CCBE1: variants seen among roughly 807,000 people sequenced by gnomAD.
The protein encoded by CCBE1 is collagen and calcium-binding EGF domain-containing protein 1.
A neutral mutation model predicts 50.0 loss-of-function variants in CCBE1; 37 were observed. The observed-to-expected ratio is 0.74, with a 90% CI of 0.57 to 0.97. CCBE1 has a LOEUF of 0.97. Among genes scored for constraint, CCBE1 ranks in the 50% least tolerant of loss-of-function variants. The pLI, the probability that CCBE1 is intolerant of heterozygous loss-of-function variation, is 0.00. For synonymous variants in CCBE1, 234 were observed against 203.7 expected (o/e 1.15, Z -1.27); for missense variants, 538 against 523.8 (o/e 1.03, Z -0.26).
chr18:59,533,155 GAAACA>G (rs1421782271), intron 2 of CCBE1, among the ~76,000 whole-genome samples: 1 of 151,906 alleles, frequency 6.6e-6, no homozygotes. Context: ...AAAATCTTTA[GAAACA>G]AAACAAAGTA....
intron 2 of CCBE1, among the ~76,000 whole-genome samples, chr18:59,691,100 A>C (rs766929684): frequency 5.3e-5 from 8 of 152,278 alleles, no homozygotes; most frequent in Admixed American, 1.3e-4. Flanking sequence ...GGATAGCAAG[A>C]GAAGTTCCTG....
At chr18:59,521,663 T>A (rs1914605365) in intron 2 of CCBE1, among the ~76,000 whole-genome samples, 1 of 152,216 alleles carries the variant, frequency 6.6e-6, no homozygotes, top group African/African-American at 2.4e-5. Context: ...TACAAAGGAA[T>A]CAGATATCGC....
intron 2 of CCBE1, among the ~76,000 whole-genome samples, chr18:59,482,251 G>A (rs1912607091): frequency 6.6e-6 from 1 of 152,200 alleles, no homozygotes; most frequent in Admixed American, 6.5e-5. Flanking sequence ...GTATTCCATG[G>A]TGTATGCCAG....
chr18:59,442,564 C>T (rs1209919086), intron 7 of CCBE1, among the ~76,000 whole-genome samples: 1 of 151,918 alleles, frequency 6.6e-6, no homozygotes, highest in Non-Finnish European at 1.5e-5. Context: ...CCCATCTCTA[C>T]TAAAAATACA....
At chr18:59,661,214 G>C (rs1465638654) in intron 2 of CCBE1, among the ~76,000 whole-genome samples, 1 of 145,558 alleles carries the variant, frequency 6.9e-6, no homozygotes, top group Non-Finnish European at 1.6e-5. Flanking sequence ...AATATTTTTG[G>C]TCTAGCACAA....
chr18:59,551,320 A>C (rs777910231), intron 2 of CCBE1, among the ~76,000 whole-genome samples: 1 of 152,220 alleles, frequency 6.6e-6, no homozygotes, highest in Non-Finnish European at 1.5e-5. Flanking sequence ...AAAAAATGAT[A>C]TACCTATTAC....
At chr18:59,559,467 A>G (rs1258886735) in intron 2 of CCBE1, among the ~76,000 whole-genome samples, 1 of 152,216 alleles carries the variant, frequency 6.6e-6, no homozygotes, top group Non-Finnish European at 1.5e-5. Flanking sequence ...GAGTTAAGCA[A>G]GTAATGTCGG....
At chr18:59,466,544 G>A (rs1911752552) in intron 5 of CCBE1, among the ~76,000 whole-genome samples, 195 bp downstream of exon 5, 3 of 151,740 alleles carry the variant, frequency 2.0e-5, no homozygotes, top group African/African-American at 4.8e-5. Flanking sequence ...ATTACATATA[G>A]GCACTTGGAA....
In CCBE1 at chr18:59,697,332, G is replaced by A. The variant is rs1399379357; in HGVS notation, c.11C>T (p.Pro4Leu). Reference protein sequence around the residue: MVPPPPSRGGAARG... With the variant: MVPLPPSRGGAARG... ...GGCAGCTCCTCCCCGGCTCGGAGGC[G>A]GCGGCACCATCAGGGAAGCTCCCGG... The change falls in exon 1 of 11, where the codon CCG becomes CTG. Residue 4 changes from proline (P) to leucine (L), a missense_variant. Physicochemically the swap from Pro to Leu is moderately conservative, Grantham distance 98. Coordinates refer to ENST00000439986, the MANE Select transcript of CCBE1 (RefSeq NM_133459.4). The A allele has an allele frequency of 1.1e-5, 17 of 1,547,896 alleles. No individual in the cohort carries two copies. In the East Asian group the frequency reaches 3.7e-4, roughly 33 times the overall value.
At chr18:59,559,087 G>A (rs1250647296) in intron 2 of CCBE1, among the ~76,000 whole-genome samples, 20 of 152,236 alleles carry the variant, frequency 1.3e-4, no homozygotes, top group Admixed American at 9.2e-4. Context: ...TTAGCTGTGT[G>A]GCTGCAGCAT....
intron 7 of CCBE1, among the ~76,000 whole-genome samples, chr18:59,443,411 T>TG (rs1312637660): frequency 1.3e-5 from 2 of 151,070 alleles, no homozygotes; most frequent in Non-Finnish European, 2.9e-5. Context: ...GAAGAGAGAG[T>TG]GGGGGCCTGA....
chr18:59,456,079 A>G (rs890539314), intron 5 of CCBE1, among the ~76,000 whole-genome samples: 5 of 152,106 alleles, frequency 3.3e-5, no homozygotes, highest in African/African-American at 1.2e-4. Context: ...CAAATGTTCC[A>G]TGAAGCCTGC....
chr18:59,591,838 G>A (rs1234938168), intron 2 of CCBE1, among the ~76,000 whole-genome samples: 1 of 152,196 alleles, frequency 6.6e-6, no homozygotes, highest in African/African-American at 2.4e-5. Context: ...AAAAATGTGT[G>A]TGCACAAGGC....
At chr18:59,516,506 G>T (rs917727111) in intron 2 of CCBE1, among the ~76,000 whole-genome samples, 5 of 152,196 alleles carry the variant, frequency 3.3e-5, no homozygotes, top group African/African-American at 1.2e-4. Context: ...CTCGTGGATG[G>T]ACGTGAGTCA....
intron 2 of CCBE1, among the ~76,000 whole-genome samples, chr18:59,672,183 C>T (rs1199513866): frequency 6.6e-6 from 1 of 152,052 alleles, no homozygotes; most frequent in African/African-American, 2.4e-5. Context: ...GACCAGAAGC[C>T]AAGACAGAAA....
chr18:59,474,201 A>G (rs1383186635), intron 3 of CCBE1, among the ~76,000 whole-genome samples: 1 of 152,202 alleles, frequency 6.6e-6, no homozygotes, highest in East Asian at 1.9e-4. Flanking sequence ...TGAACATAGA[A>G]ATACATGTGT....
At chr18:59,538,003 AT>A (rs1568193875) in intron 2 of CCBE1, among the ~76,000 whole-genome samples, 1 of 152,196 alleles carries the variant, frequency 6.6e-6, no homozygotes, top group African/African-American at 2.4e-5. Context: ...TGAAAAATCT[AT>A]TTTTTGGAAT....
At chr18:59,617,053 C>T (rs1568236269) in intron 2 of CCBE1, among the ~76,000 whole-genome samples, 2 of 152,102 alleles carry the variant, frequency 1.3e-5, no homozygotes, top group South Asian at 4.1e-4. Context: ...GGACTGACAC[C>T]CAAGATTTAG....
Position 59,683,571 on chromosome 18 carries a change from G to A in CCBE1, c.212+13058C>T, listed in dbSNP as rs192228555. 1.9e-4 allele frequency among the ~76,000 whole-genome samples: 29 copies of A among 152,224 alleles called. No homozygotes were observed. The East Asian group carries it at 3.7e-3, about 19-fold the overall frequency. ...AAATTAGCCAGGAGTGGTGGCGCAC[G>A]CCTGTAATCCCAGCTACTCAGGAGG... On this transcript the variant is annotated intron_variant, in intron 2 of 10. Transcript: ENST00000439986.
Sources: gnomAD v4.1 joint callset for allele counts (sites outside exome capture counted in the v4.1 genomes callset) on GRCh38, gnomAD v4.1.1 for gene constraint, MANE v1.5 for transcripts, NCBI Gene and HGNC (gene_info 2026-07-23, HGNC 2026-07-21) for gene names.